MCM3AP: variants seen among roughly 807,000 people sequenced by gnomAD.
The protein encoded by MCM3AP is germinal-center associated nuclear protein.
Under a neutral mutation model 184.1 loss-of-function variants are expected in MCM3AP, and 126 were observed. The ratio of observed to expected loss-of-function variants is 0.68; its 90% CI spans 0.59 to 0.79. The LOEUF (loss-of-function observed/expected upper bound fraction) is 0.79. Among genes scored for constraint, MCM3AP ranks in the 30% least tolerant of loss-of-function variants. MCM3AP has a pLI of 0.00. For synonymous variants in MCM3AP, 1,002 were observed against 979.3 expected, an observed-to-expected ratio of 1.02 and a Z score of -0.43; for missense variants, 2,496 against 2,479.2, an observed-to-expected ratio of 1.01 and a Z score of -0.14.
At chr21:46,262,537 A>G (rs562443716) in intron 13 of MCM3AP, among the ~76,000 whole-genome samples, 50 of 152,220 alleles carry the variant, frequency 3.3e-4, no homozygotes, top group African/African-American at 1.1e-3. Flanking sequence ...GGTCCTAGCT[A>G]CTTGGGAGGC....
intron 17 of MCM3AP, 44 bp downstream of exon 17, chr21:46,256,743 TGG>T: frequency 6.6e-7 from 1 of 1,526,190 alleles, no homozygotes; most frequent in Non-Finnish European, 8.8e-7. Flanking sequence ...TAAAACCAAG[TGG>T]GGGCAGGGGA....
At chr21:46,266,607 G>C (rs954250107) in intron 10 of MCM3AP, 2 of 277,926 alleles carry the variant, frequency 7.2e-6, no homozygotes, top group South Asian at 1.1e-4. Context: ...TGACTGGTAA[G>C]TACCGGAGAA....
At chr21:46,241,095 T>TTGCACATGTTAA in intron 25 of MCM3AP, 78 bp from the exon 26 acceptor site, 3 of 1,060,434 alleles carry the variant, frequency 2.8e-6, no homozygotes, top group Non-Finnish European at 4.3e-6. Flanking sequence ...GTAGATACAT[T>TTGCACATGTTAA]TGCACATGTG....
intron 17 of MCM3AP, among the ~76,000 whole-genome samples, chr21:46,255,381 G>T (rs2080934595): frequency 6.6e-6 from 1 of 152,084 alleles, no homozygotes; most frequent in African/African-American, 2.4e-5. Flanking sequence ...CGCTAGGGAC[G>T]CCGCCGAGAG....
At position 46,282,543 on chromosome 21, in the gene MCM3AP, G is replaced by A. The variant is rs773058085; in HGVS notation, c.1443+1072C>T. 4.1e-4 allele frequency among the ~76,000 whole-genome samples: 62 copies of A among 152,236 alleles called. 1 individual carries two copies. Among genetic ancestry groups the A allele is most frequent in the Admixed American group, 1.9e-3 (29 of 15,288 alleles). On this transcript the variant is annotated intron_variant, in intron 2 of 27. Transcript: ENST00000291688. Reference sequence around the variant, plus strand: ...ATTTAGGCTGGGCGCAGTGGCTCACGCCTGTAATCCCAGCACTTTGGGAGG... The same window carrying A: ...ATTTAGGCTGGGCGCAGTGGCTCACACCTGTAATCCCAGCACTTTGGGAGG...
intron 6 of MCM3AP, among the ~76,000 whole-genome samples, chr21:46,274,142 C>T (rs1230391055): frequency 6.6e-6 from 1 of 152,220 alleles, no homozygotes; most frequent in African/African-American, 2.4e-5. Context: ...TACAGTGACA[C>T]GAGTTGCTGG....
At position 46,277,519 on chromosome 21, in the gene MCM3AP, T is replaced by A; in HGVS notation, c.1858+8A>T. On this transcript the variant is annotated splice_region_variant and intron_variant, in intron 5 of 27. Transcript: ENST00000291688. Reference sequence around the variant, plus strand: ...GGCCCCTAGAACCTCTGCCACCAAGTGCCATACCTTGCCGCATGATCCTGT... The same window carrying A: ...GGCCCCTAGAACCTCTGCCACCAAGAGCCATACCTTGCCGCATGATCCTGT... 1 of 1,555,224 alleles carries A rather than the reference T, an allele frequency of 6.4e-7. No individual in the cohort carries two copies. Among genetic ancestry groups the A allele is most frequent in the East Asian group, 2.4e-5 (1 of 42,490 alleles).
chr21:46,270,419 T>C lies in MCM3AP; in HGVS notation c.2610A>G (p.Leu870=). The change falls in exon 9 of 28, where the codon TTA becomes TTG. Residue 870 remains leucine (L), a synonymous_variant. Transcript: ENST00000291688. ...QSASYLNACL[L]HCYFSQIRKD... ...TACTCACCTGACTGAAGTAACAGTGTAAAAGACAAGCGTTCAGGTAAGAAG... is the reference window on the plus strand; with the variant it reads ...TACTCACCTGACTGAAGTAACAGTGCAAAAGACAAGCGTTCAGGTAAGAAG... 6.2e-6 allele frequency: 10 copies of C among 1,613,170 alleles called. No homozygotes were observed. The highest frequency in any genetic ancestry group is 8.5e-6 in the Non-Finnish European group (10 of 1,179,704).
chr21:46,256,816 GCATGGC>G lies in MCM3AP; in HGVS notation c.3899_3904del (p.Gly1300_His1301del). Reference sequence around the variant, plus strand: ...GGTGCAGGAGATGCCCAATCTCCCTGCATGGCCCAGGTCCAGGAGGCCCCTGGCCAG... The same window carrying G: ...GGTGCAGGAGATGCCCAATCTCCCTGCCAGGTCCAGGAGGCCCCTGGCCAG... On this transcript the variant is annotated inframe_deletion, in exon 17 of 28. Coordinates refer to ENST00000291688, the MANE Select transcript of MCM3AP (RefSeq NM_003906.5). 3.8e-6 allele frequency: 6 copies of G among 1,559,414 alleles called. No individual in the cohort carries two copies. The highest frequency in any genetic ancestry group is 5.2e-6 in the Non-Finnish European group (6 of 1,151,578).
intron 15 of MCM3AP, 47 bp from the exon 16 acceptor site, chr21:46,259,138 C>T: frequency 6.4e-7 from 1 of 1,567,784 alleles, no homozygotes; most frequent in Non-Finnish European, 8.6e-7. Context: ...TTGGGGCCCA[C>T]AGACACTGAG....
At chr21:46,260,303 G>A (rs2081025546) in intron 15 of MCM3AP, among the ~76,000 whole-genome samples, 1 of 152,214 alleles carries the variant, frequency 6.6e-6, no homozygotes, top group Non-Finnish European at 1.5e-5. Flanking sequence ...TTTAGAGACA[G>A]GGTCTCACTA....
At position 46,280,046 on chromosome 21, in the gene MCM3AP, A is replaced by C; in HGVS notation, c.1614T>G (p.Ser538=). ...TCCTCCCTGCGGCCTTGCCAAGAGG[A>C]GAGTGCTGAAAGGGTGCATCCTCTG... ...PSTEDAPFQH[S]PLGKAAGRTG... Residue 538 remains serine, a synonymous_variant, in exon 4 of 28, where the codon TCT becomes TCG. Transcript: ENST00000291688. 1.9e-6 allele frequency: 3 copies of C among 1,614,168 alleles called. No individual in the cohort carries two copies. The highest frequency in any genetic ancestry group is 2.5e-6 in the Non-Finnish European group (3 of 1,180,002).
intron 5 of MCM3AP, among the ~76,000 whole-genome samples, chr21:46,276,829 G>T (rs1019509474): frequency 6.7e-6 from 1 of 149,272 alleles, no homozygotes; most frequent in African/African-American, 2.5e-5. Flanking sequence ...CCTCCACCTC[G>T]CCAGTTCAAG....
chr21:46,268,297 G>A (rs1298633383), intron 9 of MCM3AP, among the ~76,000 whole-genome samples: 3 of 152,208 alleles, frequency 2.0e-5, no homozygotes, highest in South Asian at 2.1e-4. Context: ...TGGTACCTAA[G>A]CTGTTAGTCC....
chr21:46,253,063 CAGG>C (rs1287956400), intron 19 of MCM3AP: 1 of 152,194 alleles, frequency 6.6e-6, no homozygotes, highest in Admixed American at 6.5e-5. Flanking sequence ...CAGTTGAGCC[CAGG>C]AGGTCAAGGC....
chr21:46,236,943 G>A lies in MCM3AP; in HGVS notation c.5670C>T (p.Asp1890=). ...AAGTTAAATCCGTAAATGCTCCTGA[G>A]TCTTCAGACAACCATTGCTGAAGCT... ...EDQLQQWLSE[D]SGAFTDLTSL... is the part of the protein sequence containing the mutation. Residue 1890 remains aspartate (D), a synonymous_variant, in exon 27 of 28, where the codon GAC becomes GAT. Transcript: ENST00000291688. 2 of 1,564,386 alleles carry A rather than the reference G, an allele frequency of 1.3e-6. No homozygotes were observed. Among genetic ancestry groups the A allele is most frequent in the Non-Finnish European group, 1.7e-6 (2 of 1,162,808 alleles).
intron 17 of MCM3AP, 36 bp from the exon 18 acceptor site, chr21:46,254,880 G>C: frequency 6.6e-7 from 1 of 1,524,808 alleles, no homozygotes. Flanking sequence ...GTCCCCGCAG[G>C]AGCTTAGTGA....
In MCM3AP at chr21:46,277,700, G is replaced by A; in HGVS notation, c.1685C>T (p.Pro562Leu). The change falls in exon 5 of 28, where the codon CCA becomes CTA. Residue 562 changes from proline to leucine, a missense_variant. Pro to Leu is a moderately conservative substitution (Grantham distance 98). Transcript: ENST00000291688. ...LLNKSSPVKK[P>L]SLLKAHQFEG... ...GAATTGGTGGGCCTTTAGAAGACTT[G>A]GCTTCTTCACTGGAGAGCTATAAAG... 1 of 1,590,514 alleles carries A rather than the reference G, an allele frequency of 6.3e-7. No homozygotes were observed. Among genetic ancestry groups the A allele is most frequent in the Non-Finnish European group, 8.6e-7 (1 of 1,168,586 alleles).
chr21:46,235,386 G>C lies in MCM3AP; in HGVS notation c.5825C>G (p.Thr1942Arg), dbSNP rs766362107. ...MREQLQLSEA[T>R]GTCLGERLKH... ...TAGTCGTTCGCCTAGACACGTTCCT[G>C]TCGCCTCTGACAGCTGCAGTTGCTC... Residue 1942 changes from threonine to arginine, a missense_variant, in exon 28 of 28, where the codon ACA becomes AGA. Physicochemically the swap from Thr to Arg is moderately conservative, Grantham distance 71. This residue lies in a region of MCM3AP where 1,323 missense variants were observed against 1,273.4 expected (regional missense o/e 1.04). Transcript: ENST00000291688. The C allele has an allele frequency of 1.9e-6, 3 of 1,613,944 alleles. No individual in the cohort carries two copies. Among genetic ancestry groups the C allele is most frequent in the African/African-American group, 2.7e-5 (2 of 74,882 alleles).
Sources: gnomAD v4.1 joint callset for allele counts (sites outside exome capture counted in the v4.1 genomes callset) on GRCh38, gnomAD v4.1.1 for gene constraint, gnomAD v4.1.1 regional missense constraint, MANE v1.5 for transcripts, NCBI Gene and HGNC (gene_info 2026-07-23, HGNC 2026-07-21) for gene names.